Variants in TENM4 observed in about 807,000 individuals in gnomAD.
TENM4 encodes teneurin transmembrane protein 4.
A neutral mutation model predicts 243.3 loss-of-function variants in TENM4; 82 were observed. The observed-to-expected ratio is 0.34, with a 90% confidence interval of 0.28 to 0.40. The LOEUF (loss-of-function observed/expected upper bound fraction) is 0.40. Ranked by LOEUF, TENM4 falls within the 10% of genes least tolerant of loss-of-function variation. The probability of loss-of-function intolerance (pLI) is 1.00; values close to 1 mark genes in which losing one functional copy is unlikely to be tolerated. For synonymous variants in TENM4, 1,412 were observed against 1,456.3 expected, an observed-to-expected ratio of 0.97 and a Z score of 0.69; for missense variants, 3,138 against 3,673.3, an observed-to-expected ratio of 0.85 and a Z score of 3.77.
rs11237717 is a variant in TENM4, at chr11:79,100,051, G to C, written c.-65-30042C>G. ...TTAGCATCTTTAGCAATCTTTGCCT[G>C]GTACTCTCAGGTGGAGGAGGGGAGA... On this transcript the variant is annotated intron_variant, in intron 4 of 33. Transcript: ENST00000278550. Among the ~76,000 whole-genome samples, 2,950 of 152,212 alleles carry C rather than the reference G, an allele frequency of 0.019. 133 individuals are homozygous for C. The East Asian group carries it at 0.21, about 11-fold the overall frequency.
rs970343330 is a variant in TENM4 at position 78,653,050 on chromosome 11, T to C, written c.*5008A>G. The C allele has an allele frequency of 2.0e-5, 3 of 152,246 alleles. No individual in the cohort carries two copies. Among genetic ancestry groups the C allele is most frequent in the African/African-American group, 7.2e-5 (3 of 41,458 alleles). The allele number at this position is 152,246 out of a possible 1,614,324, so 9.4% of individuals were successfully genotyped here. A position where few individuals can be genotyped will look rare whatever the true frequency, so the allele number is the denominator to read the frequency against. On this transcript the variant is annotated 3_prime_UTR_variant, in exon 34 of 34. Transcript: ENST00000278550. ...GATGTCAGAGGAGCTGTGATATTTA[T>C]TCCTGTCATGCAATTGCAAAGTCAA...
chr11:78,983,942 G>C (rs1020799696), intron 6 of TENM4, among the ~76,000 whole-genome samples: 3 of 152,208 alleles, frequency 2.0e-5, no homozygotes. Context: ...GGAGGACTCA[G>C]GGAATGTTCT....
intron 4 of TENM4, among the ~76,000 whole-genome samples, chr11:79,147,055 T>C (rs1461691374): frequency 6.6e-6 from 1 of 152,122 alleles, no homozygotes; most frequent in Admixed American, 6.6e-5. Context: ...GTATATGCTA[T>C]TTCACTCAGA....
chr11:79,175,879 G>C (rs1327790603), intron 3 of TENM4, among the ~76,000 whole-genome samples: 1 of 152,164 alleles, frequency 6.6e-6, no homozygotes, highest in African/African-American at 2.4e-5. Context: ...GAGCCCAGGA[G>C]TTTGAGACCA....
At chr11:78,771,811 A>T (rs1856651516) in intron 17 of TENM4, among the ~76,000 whole-genome samples, 1 of 152,212 alleles carries the variant, frequency 6.6e-6, no homozygotes, top group Non-Finnish European at 1.5e-5. Flanking sequence ...ATTGTGAAAC[A>T]CTAACTAGGG....
At chr11:79,322,993 G>A (rs1856916378) in intron 1 of TENM4, among the ~76,000 whole-genome samples, 1 of 152,174 alleles carries the variant, frequency 6.6e-6, no homozygotes, top group African/African-American at 2.4e-5. Context: ...CTCCATGGCT[G>A]GTGCTGGATT....
chr11:79,308,592 C>T (rs1163215060), intron 1 of TENM4, among the ~76,000 whole-genome samples: 3 of 152,224 alleles, frequency 2.0e-5, no homozygotes, highest in Non-Finnish European at 2.9e-5. Flanking sequence ...TTCCCAGCCA[C>T]ATGCTCACAT....
intron 3 of TENM4, among the ~76,000 whole-genome samples, chr11:79,174,708 G>T (rs1285868849): frequency 6.6e-6 from 1 of 152,186 alleles, no homozygotes; most frequent in East Asian, 1.9e-4. Flanking sequence ...CTGGGAAATT[G>T]CTGTGTTGCT....
chr11:78,951,625 A>G (rs1184694064), intron 6 of TENM4, among the ~76,000 whole-genome samples: 1 of 152,212 alleles, frequency 6.6e-6, no homozygotes, highest in African/African-American at 2.4e-5. Context: ...CGTGGCTTGT[A>G]GATGGTCACT....
chr11:78,873,904 C>A (rs1859200308), intron 9 of TENM4, among the ~76,000 whole-genome samples: 2 of 151,978 alleles, frequency 1.3e-5, no homozygotes, highest in Non-Finnish European at 2.9e-5. Flanking sequence ...ATGCCCTCTG[C>A]TTGAACGGTC....
chr11:78,688,515 A>T (rs1858741012), intron 28 of TENM4, among the ~76,000 whole-genome samples: 1 of 152,132 alleles, frequency 6.6e-6, no homozygotes. Context: ...GAGTACAGCT[A>T]TAAACTAGAA....
At chr11:79,136,046 G>T (rs1862104248) in intron 4 of TENM4, among the ~76,000 whole-genome samples, 2 of 151,770 alleles carry the variant, frequency 1.3e-5, no homozygotes, top group Admixed American at 1.3e-4. Context: ...GGAAGAGTGG[G>T]TTGGGGGCAA....
At chr11:79,356,768 A>AC (rs1057182965) in intron 1 of TENM4, among the ~76,000 whole-genome samples, 5 of 152,232 alleles carry the variant, frequency 3.3e-5, no homozygotes, top group African/African-American at 1.2e-4. Flanking sequence ...TAAAAAAAAA[A>AC]ATCTGCAGAA....
intron 6 of TENM4, among the ~76,000 whole-genome samples, chr11:79,024,664 C>G (rs1859028444): frequency 6.6e-6 from 1 of 152,170 alleles, no homozygotes. Flanking sequence ...TCCATAGACT[C>G]TAGCATACCC....
intron 1 of TENM4, among the ~76,000 whole-genome samples, chr11:79,347,257 C>A (rs1384972153): frequency 1.3e-5 from 2 of 152,164 alleles, no homozygotes; most frequent in African/African-American, 4.8e-5. Flanking sequence ...GCCTCTTACC[C>A]CCATACCCCA....
intron 2 of TENM4, among the ~76,000 whole-genome samples, chr11:79,275,644 G>T (rs538563829): frequency 6.6e-6 from 1 of 152,064 alleles, no homozygotes; most frequent in Admixed American, 6.5e-5. Flanking sequence ...AGAAAATGCA[G>T]CCCAGTAACC....
intron 1 of TENM4, among the ~76,000 whole-genome samples, chr11:79,390,063 G>A (rs188030936): frequency 2.0e-4 from 30 of 152,342 alleles, no homozygotes; most frequent in African/African-American, 6.0e-4. Flanking sequence ...GGCCAGGGAA[G>A]CAGCCATCGT....
intron 17 of TENM4, among the ~76,000 whole-genome samples, chr11:78,776,571 C>T (rs1053453016): frequency 6.6e-6 from 1 of 152,148 alleles, no homozygotes; most frequent in Admixed American, 6.5e-5. Flanking sequence ...CAGTAAAGTA[C>T]TCTACTCTGA....
intron 2 of TENM4, among the ~76,000 whole-genome samples, chr11:79,242,125 G>A (rs1252202227): frequency 6.6e-6 from 1 of 152,198 alleles, no homozygotes; most frequent in South Asian, 2.1e-4. Flanking sequence ...GCAGGCGATC[G>A]CTTCTTTTAG....
Sources: gnomAD v4.1 joint callset for allele counts (sites outside exome capture counted in the v4.1 genomes callset) on GRCh38, gnomAD v4.1.1 for gene constraint, MANE v1.5 for transcripts, NCBI Gene and HGNC (gene_info 2026-07-23, HGNC 2026-07-21) for gene names.